Variants in MTUS2 observed in about 807,000 individuals in gnomAD.
MTUS2 encodes microtubule associated scaffold protein 2.
A neutral mutation model predicts 114.1 loss-of-function variants in MTUS2; 40 were observed. The observed-to-expected ratio is 0.35, with a 90% CI of 0.27 to 0.46. MTUS2 has a LOEUF of 0.46. Among genes scored for constraint, MTUS2 ranks in the 20% least tolerant of loss-of-function variants. The probability of loss-of-function intolerance (pLI) is 1.00; values close to 1 mark genes in which losing one functional copy is unlikely to be tolerated. For missense variants in MTUS2, 1,679 were observed against 1,705.4 expected (o/e 0.98, Z 0.27); for synonymous variants, 688 against 672.0 (o/e 1.02, Z -0.37).
intron 8 of MTUS2, among the ~76,000 whole-genome samples, chr13:29,361,459 GT>G (rs530524127): frequency 1.5e-4 from 22 of 150,468 alleles, no homozygotes; most frequent in Non-Finnish European, 1.9e-4. Context: ...AAGATAAAAT[GT>G]TTTTTTTTTA....
intron 2 of MTUS2, among the ~76,000 whole-genome samples, chr13:29,014,923 C>G (rs1188610727): frequency 1.3e-5 from 2 of 152,246 alleles, no homozygotes; most frequent in African/African-American, 4.8e-5. Flanking sequence ...ATGGGAGATG[C>G]ATTCTGCATG....
intron 4 of MTUS2, among the ~76,000 whole-genome samples, chr13:29,064,559 A>G (rs1888577112): frequency 6.6e-6 from 1 of 152,108 alleles, no homozygotes; most frequent in African/African-American, 2.4e-5. Flanking sequence ...ACAAGATAAT[A>G]ATGTTTTTAC....
chr13:29,342,665 G>C (rs1409959887), intron 7 of MTUS2, among the ~76,000 whole-genome samples: 1 of 152,064 alleles, frequency 6.6e-6, no homozygotes, highest in Non-Finnish European at 1.5e-5. Context: ...TCTCTTGTCT[G>C]ATTACTCTGG....
intron 5 of MTUS2, among the ~76,000 whole-genome samples, chr13:29,122,737 T>C (rs946284408): frequency 1.3e-5 from 2 of 152,206 alleles, no homozygotes; most frequent in African/African-American, 4.8e-5. Flanking sequence ...TTAGAGATTC[T>C]TATAGGAATT....
chr13:29,287,930 C>T (rs956936227), intron 6 of MTUS2, among the ~76,000 whole-genome samples: 4 of 152,138 alleles, frequency 2.6e-5, no homozygotes, highest in Admixed American at 6.6e-5. Flanking sequence ...AAACGTTGAC[C>T]GATGTTTAAA....
intron 1 of MTUS2, among the ~76,000 whole-genome samples, chr13:28,821,497 C>CTCTTT (rs1873899427): frequency 6.6e-6 from 1 of 152,288 alleles, no homozygotes; most frequent in African/African-American, 2.4e-5. Flanking sequence ...AGATGTGTCT[C>CTCTTT]TCTTTCCCTT....
intron 2 of MTUS2, among the ~76,000 whole-genome samples, chr13:29,007,516 G>A (rs1291871950): frequency 2.6e-5 from 4 of 152,168 alleles, no homozygotes; most frequent in African/African-American, 9.7e-5. Context: ...CAAAATTTGG[G>A]TAAATTAGCA....
intron 8 of MTUS2, among the ~76,000 whole-genome samples, chr13:29,359,874 A>G (rs113810602): frequency 1.3e-5 from 2 of 152,292 alleles, no homozygotes; most frequent in African/African-American, 4.8e-5. Context: ...ACAGGGCCCC[A>G]GTACCGTTCA....
intron 7 of MTUS2, among the ~76,000 whole-genome samples, chr13:29,349,104 C>T (rs914450109): frequency 1.3e-5 from 2 of 151,772 alleles, no homozygotes; most frequent in Non-Finnish European, 1.5e-5. Context: ...CTTTTCTTTT[C>T]CCTCTTTTAC....
chr13:29,026,578 C>G lies in MTUS2; in HGVS notation c.1880C>G (p.Thr627Arg). The G allele has an allele frequency of 6.2e-7, 1 of 1,613,904 alleles. No individual in the cohort carries two copies. Among genetic ancestry groups the G allele is most frequent in the Non-Finnish European group, 8.5e-7 (1 of 1,179,854 alleles). The change falls in exon 3 of 16, where the codon ACA becomes AGA. Residue 627 changes from threonine to arginine, a missense_variant. Around this residue, in one of 3 missense-constraint regions of MTUS2, gnomAD observed 843 missense variants for 770.8 expected, o/e 1.09. Transcript: ENST00000612955. The stretch of plus-strand genomic sequence containing the variant: ...CAGGTTGAAAAAACAGAGGAGAGGA[C>G]AGAAACTAAGCCCATCATTATGCCC... ...NYQVEKTEER[T>R]ETKPIIMPKP...
chr13:29,456,824 A>G (rs1879138356), intron 9 of MTUS2, among the ~76,000 whole-genome samples: 1 of 152,198 alleles, frequency 6.6e-6, no homozygotes, highest in Non-Finnish European at 1.5e-5. Context: ...GATGGTCAAA[A>G]TGGTAAATAT....
chr13:29,487,981 G>A lies in MTUS2; in HGVS notation c.3481G>A (p.Asp1161Asn). 2 of 1,614,050 alleles carry A rather than the reference G, an allele frequency of 1.2e-6. No homozygotes were observed. The highest frequency in any genetic ancestry group is 2.2e-5 in the East Asian group (1 of 44,888). ...NHTVAITILQ[D>N]DHDHKVQELM... ...CACAGTTGCCATCACAATCCTGCAG[G>A]ATGACCACGACCACAAAGTCCAAGG... Residue 1161 changes from aspartate (D) to asparagine (N), a missense_variant, in exon 11 of 16, where the codon GAT becomes AAT. Physicochemically the swap from Asp to Asn is conservative, Grantham distance 23. Transcript: ENST00000612955.
At chr13:29,232,551 T>A (rs1210669622) in intron 5 of MTUS2, among the ~76,000 whole-genome samples, 1 of 152,184 alleles carries the variant, frequency 6.6e-6, no homozygotes, top group African/African-American at 2.4e-5. Flanking sequence ...TTACAGAAAA[T>A]ATTTTTGATC....
intron 6 of MTUS2, among the ~76,000 whole-genome samples, chr13:29,284,402 T>A (rs63478160): frequency 0.38 from 56,730 of 148,800 alleles, 10,805 homozygotes; most frequent in East Asian, 0.51. Flanking sequence ...AGCTATTTTT[T>A]AAAAAAAAAA....
chr13:29,416,182 G>T (rs1428629431), intron 8 of MTUS2, among the ~76,000 whole-genome samples: 2 of 150,844 alleles, frequency 1.3e-5, no homozygotes, highest in Non-Finnish European at 2.9e-5. Flanking sequence ...ACCCGCCTTG[G>T]CCTCCTAAAG....
intron 4 of MTUS2, among the ~76,000 whole-genome samples, chr13:29,087,612 G>A (rs934728177): frequency 1.3e-5 from 2 of 152,154 alleles, no homozygotes; most frequent in Admixed American, 6.5e-5. Context: ...TTTAGAATAC[G>A]TTTTTCTAAT....
chr13:29,401,564 A>G (rs1874352616), intron 8 of MTUS2, among the ~76,000 whole-genome samples: 1 of 152,166 alleles, frequency 6.6e-6, no homozygotes, highest in Non-Finnish European at 1.5e-5. Flanking sequence ...TTTTTTCCCC[A>G]TATAAGTAGG....
intron 4 of MTUS2, among the ~76,000 whole-genome samples, chr13:29,053,472 T>C (rs1281116547): frequency 4.6e-5 from 7 of 152,162 alleles, no homozygotes; most frequent in Non-Finnish European, 1.0e-4. Context: ...AGGTTCCAGT[T>C]TGGGGAGGTT....
At chr13:29,455,401 A>C (rs1458295117) in intron 9 of MTUS2, among the ~76,000 whole-genome samples, 1 of 152,172 alleles carries the variant, frequency 6.6e-6, no homozygotes. Context: ...CTCACCAAGT[A>C]CTGTGAGCAA....
Sources: gnomAD v4.1 joint callset for allele counts (sites outside exome capture counted in the v4.1 genomes callset) on GRCh38, gnomAD v4.1.1 for gene constraint, gnomAD v4.1.1 regional missense constraint, MANE v1.5 for transcripts, NCBI Gene and HGNC (gene_info 2026-07-23, HGNC 2026-07-21) for gene names.